The following DNM3 variants were observed in gnomAD, a reference collection of about 807,000 sequenced individuals.
DNM3 encodes the protein dynamin 3.
Under a neutral mutation model 101.6 loss-of-function variants are expected in DNM3, and 47 were observed. The observed-to-expected ratio is 0.46, with a 90% CI of 0.37 to 0.59. DNM3 has a LOEUF of 0.59. DNM3 is among the 20% of genes least tolerant of loss of function. The pLI, the probability that DNM3 is intolerant of heterozygous loss-of-function variation, is 0.00. For synonymous variants in DNM3, 385 were observed against 387.9 expected, an observed-to-expected ratio of 0.99 and a Z score of 0.09; for missense variants, 849 against 1,085.7, an observed-to-expected ratio of 0.78 and a Z score of 3.06.
At chr1:172,216,023 AG>A (rs2060686752) in intron 14 of DNM3, among the ~76,000 whole-genome samples, 2 of 151,188 alleles carry the variant, frequency 1.3e-5, no homozygotes, top group Non-Finnish European at 3.0e-5. Flanking sequence ...AAAAAAGAAA[AG>A]TAAGGGACCA....
chr1:172,246,694 A>T (rs1268871218), intron 14 of DNM3, among the ~76,000 whole-genome samples: 1 of 152,140 alleles, frequency 6.6e-6, no homozygotes, highest in Non-Finnish European at 1.5e-5. Context: ...AAGAGTTTGA[A>T]TTTACTCTGG....
chr1:171,900,023 G>C (rs1282876395), intron 1 of DNM3, among the ~76,000 whole-genome samples: 1 of 152,220 alleles, frequency 6.6e-6, no homozygotes, highest in African/African-American at 2.4e-5. Context: ...AAGGAGTTCA[G>C]TGTACAGCAA....
chr1:172,131,465 A>G (rs1218343773), intron 14 of DNM3, among the ~76,000 whole-genome samples, 177 bp downstream of exon 14: 1 of 152,210 alleles, frequency 6.6e-6, no homozygotes, highest in Admixed American at 6.5e-5. Context: ...AGTTTACAAT[A>G]TTCGCCCAAA....
At chr1:171,889,363 A>G (rs2037060757) in intron 1 of DNM3, among the ~76,000 whole-genome samples, 1 of 152,194 alleles carries the variant, frequency 6.6e-6, no homozygotes, top group Non-Finnish European at 1.5e-5. Context: ...ACAAAAAACC[A>G]TGGACTATAT....
At chr1:172,048,955 T>C (rs894910793) in intron 10 of DNM3, among the ~76,000 whole-genome samples, 1 of 152,166 alleles carries the variant, frequency 6.6e-6, no homozygotes, top group African/African-American at 2.4e-5. Context: ...AATACGGTGG[T>C]TTAGAAAGAG....
intron 1 of DNM3, among the ~76,000 whole-genome samples, chr1:171,897,921 A>AT (rs398103370): frequency 0.26 from 39,132 of 148,170 alleles, 5,501 homozygotes; most frequent in Admixed American, 0.34. Flanking sequence ...TCTGCGGTTC[A>AT]TTTTTTTTTT....
chr1:172,332,765 T>A (rs2066245119), intron 17 of DNM3, among the ~76,000 whole-genome samples: 1 of 152,198 alleles, frequency 6.6e-6, no homozygotes, highest in Admixed American at 6.5e-5. Flanking sequence ...ACTCCTTTCA[T>A]TGTCTAAGGC....
chr1:172,218,464 A>G (rs1420130163), intron 14 of DNM3, among the ~76,000 whole-genome samples: 1 of 152,132 alleles, frequency 6.6e-6, no homozygotes, highest in African/African-American at 2.4e-5. Context: ...CAAGGTGAAG[A>G]AGACAACTTT....
intron 14 of DNM3, among the ~76,000 whole-genome samples, chr1:172,212,883 GAGT>G (rs938659034): frequency 6.6e-6 from 1 of 152,088 alleles, no homozygotes; most frequent in Non-Finnish European, 1.5e-5. Flanking sequence ...CGCCTTACCT[GAGT>G]CTTTTGGTGT....
chr1:171,936,807 A>G (rs1313304573), intron 2 of DNM3, among the ~76,000 whole-genome samples: 1 of 27,314 alleles, frequency 3.7e-5, no homozygotes, highest in Non-Finnish European at 8.6e-5. Flanking sequence ...TTATTTTAAT[A>G]AAGAAAGATA....
At position 172,068,917 on chromosome 1, in the gene DNM3, T is replaced by C. The variant is rs1408048754; in HGVS notation, c.1422+12T>C. The C allele has an allele frequency of 1.9e-6, 3 of 1,553,720 alleles. No individual in the cohort carries two copies. Among genetic ancestry groups the C allele is most frequent in the Non-Finnish European group, 2.6e-6 (3 of 1,147,888 alleles). On this transcript the variant is annotated intron_variant, in intron 11 of 20. Coordinates refer to ENST00000627582, the MANE Select transcript of DNM3 (RefSeq NM_015569.5). The stretch of plus-strand genomic sequence containing the variant: ...AGACAAAGGACCAGGTAAAGAGAGG[T>C]CTTCCCTGGTGGGCAGGGAGATTGT...
At chr1:172,390,531 TC>T (rs560364678) in intron 20 of DNM3, among the ~76,000 whole-genome samples, 115 of 152,282 alleles carry the variant, frequency 7.6e-4, no homozygotes, top group Non-Finnish European at 1.1e-3. Flanking sequence ...CCTCTAGATT[TC>T]AGTTGCAGTC....
intron 2 of DNM3, among the ~76,000 whole-genome samples, chr1:171,929,792 T>C (rs1341887040): frequency 2.0e-5 from 3 of 152,064 alleles, no homozygotes; most frequent in African/African-American, 7.2e-5. Flanking sequence ...TCCCGCCTAG[T>C]GAGGAGGAGA....
chr1:172,388,887 A>G, intron 20 of DNM3, 78 bp downstream of exon 20: 1 of 1,232,346 alleles, frequency 8.1e-7, no homozygotes, highest in Non-Finnish European at 1.1e-6. Context: ...AATTTATTTG[A>G]AAGAGAAAAT....
Position 171,996,256 on chromosome 1 carries a change from A to G in DNM3, c.589+7108A>G, listed in dbSNP as rs745389553. Among the ~76,000 whole-genome samples, 11 of 152,280 alleles carry G rather than the reference A, an allele frequency of 7.2e-5. No individual in the cohort carries two copies. In the East Asian group the frequency reaches 9.7e-4, roughly 13 times the overall value. ...GCATAATTTCAAGGGGAATGGCTAT[A>G]TAATTTGAAATGTCAAACTCCTAGC... On this transcript the variant is annotated intron_variant, in intron 4 of 20. Coordinates refer to ENST00000627582, the MANE Select transcript of DNM3 (RefSeq NM_015569.5).
rs182660636 is a variant in DNM3 at position 172,412,707 on chromosome 1, C to T, written c.*4866C>T. 2 of 985,718 alleles carry T rather than the reference C, an allele frequency of 2.0e-6. No individual in the cohort carries two copies. Among genetic ancestry groups the T allele is most frequent in the East Asian group, 2.3e-4 (2 of 8,810 alleles). 61.1% of individuals were successfully genotyped at this position (985,718 alleles called of 1,614,324 possible). A position where few individuals can be genotyped will look rare whatever the true frequency, so the allele number is the denominator to read the frequency against. On this transcript the variant is annotated 3_prime_UTR_variant, in exon 21 of 21. Coordinates refer to ENST00000627582, the MANE Select transcript of DNM3 (RefSeq NM_015569.5). Reference sequence around the variant, plus strand: ...TTTCTGAAGCTGAAATAAATTATAACATTTGAAGGACCCCTTTTCCTCATT... The same window carrying T: ...TTTCTGAAGCTGAAATAAATTATAATATTTGAAGGACCCCTTTTCCTCATT...
intron 14 of DNM3, among the ~76,000 whole-genome samples, chr1:172,176,471 C>T (rs976586485): frequency 4.0e-5 from 6 of 151,744 alleles, no homozygotes; most frequent in African/African-American, 1.5e-4. Context: ...GAAACTAGTG[C>T]CGTGACCAAC....
At position 172,412,252 on chromosome 1, in the gene DNM3, G is replaced by A. The variant is rs1157495464; in HGVS notation, c.*4411G>A. The A allele has an allele frequency of 8.1e-6, 8 of 984,970 alleles. No individual in the cohort carries two copies. The highest frequency in any genetic ancestry group is 1.8e-5 in the African/African-American group (1 of 57,108). 61.0% of individuals were successfully genotyped at this position (984,970 alleles called of 1,614,324 possible). A position where few individuals can be genotyped will look rare whatever the true frequency, so the allele number is the denominator to read the frequency against. Reference sequence around the variant, plus strand: ...TTTACTCTTGAATTCCTTAAACTTCGCTCATTATGAAATGTTTTAAAATTA... The same window carrying A: ...TTTACTCTTGAATTCCTTAAACTTCACTCATTATGAAATGTTTTAAAATTA... On this transcript the variant is annotated 3_prime_UTR_variant, in exon 21 of 21. Coordinates refer to ENST00000627582, the MANE Select transcript of DNM3 (RefSeq NM_015569.5).
At chr1:171,906,365 G>A (rs1349850791) in intron 1 of DNM3, among the ~76,000 whole-genome samples, 1 of 151,770 alleles carries the variant, frequency 6.6e-6, no homozygotes, top group Non-Finnish European at 1.5e-5. Flanking sequence ...TGGACCCAAG[G>A]GATCCTCCTG....
Sources: allele counts gnomAD v4.1 joint callset (sites outside exome capture counted in the v4.1 genomes callset), GRCh38; gene constraint gnomAD v4.1.1; transcripts MANE v1.5; gene names NCBI Gene and HGNC (gene_info 2026-07-23, HGNC 2026-07-21).